The following TRPM3 variants were observed in gnomAD, a reference collection of about 807,000 sequenced individuals.
The protein encoded by TRPM3 is long transient receptor potential channel 3.
TRPM3 carries 77 observed loss-of-function variants against 181.2 expected under a neutral mutation model. That is an observed-to-expected ratio of 0.42 (90% CI 0.35 to 0.51). The LOEUF is 0.51. Among genes scored for constraint, TRPM3 ranks in the 20% least tolerant of loss-of-function variants. TRPM3 has a pLI of 0.01. For missense variants in TRPM3, 1,759 were observed against 2,196.7 expected, an observed-to-expected ratio of 0.80 and a Z score of 3.98; for synonymous variants, 745 against 796.4, an observed-to-expected ratio of 0.94 and a Z score of 1.09.
intron 1 of TRPM3, among the ~76,000 whole-genome samples, chr9:71,256,894 CA>C (rs199525430): frequency 3.6e-4 from 52 of 146,458 alleles, no homozygotes; most frequent in Admixed American, 1.2e-3. Flanking sequence ...TGTACTCTTG[CA>C]AAAAAAAAAT....
chr9:71,258,542 C>T (rs955746915), intron 1 of TRPM3, among the ~76,000 whole-genome samples: 1 of 152,110 alleles, frequency 6.6e-6, no homozygotes, highest in African/African-American at 2.4e-5. Flanking sequence ...ATAATGATTA[C>T]TTCGTATTTA....
chr9:71,283,527 A>C (rs2085026209), intron 1 of TRPM3, among the ~76,000 whole-genome samples: 1 of 152,032 alleles, frequency 6.6e-6, no homozygotes, highest in Non-Finnish European at 1.5e-5. Flanking sequence ...GATGGTCTCA[A>C]TCTCCTGACC....
chr9:70,947,615 G>A (rs1423792109), intron 1 of TRPM3, among the ~76,000 whole-genome samples: 2 of 152,114 alleles, frequency 1.3e-5, no homozygotes, highest in Non-Finnish European at 2.9e-5. Flanking sequence ...TAGCTCTGCA[G>A]GCTGGCTGAG....
In TRPM3 at chr9:70,942,627, G is replaced by A. The variant is rs548554418; in HGVS notation, c.178-78116C>T. 1.1e-4 allele frequency among the ~76,000 whole-genome samples: 17 copies of A among 152,188 alleles called. No individual in the cohort carries two copies. In the South Asian group the frequency reaches 1.9e-3, roughly 17 times the overall value. On this transcript the variant is annotated intron_variant, in intron 1 of 25. Transcript: ENST00000677713. ...TGGTCCTATGTAGCATATGCTTTCCGTGCCTTTTATCTCCACTAGCATGGC... is the reference window on the plus strand; with the variant it reads ...TGGTCCTATGTAGCATATGCTTTCCATGCCTTTTATCTCCACTAGCATGGC...
chr9:71,187,945 AGATAG>A (rs1565318780), intron 1 of TRPM3, among the ~76,000 whole-genome samples: 13 of 72,578 alleles, frequency 1.8e-4, no homozygotes, highest in African/African-American at 5.5e-4. Context: ...ATAGATAGAT[AGATAG>A]ATCATCGCAT....
At chr9:71,255,824 T>C (rs1034323093) in intron 1 of TRPM3, among the ~76,000 whole-genome samples, 2 of 152,228 alleles carry the variant, frequency 1.3e-5, no homozygotes, top group African/African-American at 2.4e-5. Context: ...AAGGTTATTA[T>C]TGAGTAAATT....
chr9:70,894,878 G>A (rs1316016746), intron 1 of TRPM3, among the ~76,000 whole-genome samples: 2 of 152,120 alleles, frequency 1.3e-5, no homozygotes, highest in Non-Finnish European at 2.9e-5. Context: ...AGGACCTATT[G>A]CGGTGCTGAA....
intron 1 of TRPM3, among the ~76,000 whole-genome samples, chr9:71,202,027 C>T (rs940626731): frequency 3.2e-4 from 49 of 151,976 alleles, no homozygotes; most frequent in African/African-American, 1.1e-3. Context: ...TCCTTTCTGT[C>T]TGTTAGTTTT....
At chr9:70,746,285 GA>G (rs2075144275) in intron 8 of TRPM3, among the ~76,000 whole-genome samples, 1 of 152,108 alleles carries the variant, frequency 6.6e-6, no homozygotes, top group East Asian at 1.9e-4. Flanking sequence ...GAGAGAGAGA[GA>G]GAGAGATGAA....
intron 1 of TRPM3, among the ~76,000 whole-genome samples, chr9:71,020,477 G>GAA (rs71367248): frequency 8.6e-4 from 98 of 113,708 alleles, no homozygotes; most frequent in Non-Finnish European, 2.6e-4. Context: ...ACCCCGTCTT[G>GAA]AAAAAAAAAA....
At chr9:70,773,789 G>T (rs2080821084) in intron 7 of TRPM3, among the ~76,000 whole-genome samples, 1 of 152,140 alleles carries the variant, frequency 6.6e-6, no homozygotes, top group Admixed American at 6.6e-5. Flanking sequence ...ACACTGTTGT[G>T]CCTTGCAGAG....
chr9:71,211,232 A>C (rs2131800461), intron 1 of TRPM3, among the ~76,000 whole-genome samples: 1 of 152,344 alleles, frequency 6.6e-6, no homozygotes, highest in Middle Eastern at 3.4e-3. Flanking sequence ...GTGATCTCTA[A>C]GCCTTGACTG....
Position 71,109,445 on chromosome 9 carries a change from C to T in TRPM3, c.177+11733G>A, listed in dbSNP as rs146316731. On this transcript the variant is annotated intron_variant, in intron 1 of 25. Coordinates refer to ENST00000677713, the MANE Select transcript of TRPM3 (RefSeq NM_001366145.2). ...GTTAATTTGCATTGCATCACTTTTG[C>T]TTTATTAAGTTGAAAGGAACGGAAT... 8.2e-4 allele frequency among the ~76,000 whole-genome samples: 125 copies of T among 152,168 alleles called. 1 individual carries two copies. Among genetic ancestry groups the T allele is most frequent in the African/African-American group, 3.0e-3 (125 of 41,516 alleles).
intron 1 of TRPM3, chr9:70,869,200 A>C (rs1459345407): frequency 3.9e-6 from 1 of 258,310 alleles, no homozygotes; most frequent in Non-Finnish European, 6.0e-6. Flanking sequence ...CTGCTTCGGG[A>C]TTAGCCTCAC....
intron 1 of TRPM3, among the ~76,000 whole-genome samples, chr9:70,967,158 C>T (rs1365073107): frequency 6.6e-6 from 1 of 152,084 alleles, no homozygotes; most frequent in African/African-American, 2.4e-5. Flanking sequence ...CATTCTAATG[C>T]TATTCAACTC....
chr9:70,853,806 GA>G (rs1349812100), intron 3 of TRPM3, among the ~76,000 whole-genome samples: 1 of 152,128 alleles, frequency 6.6e-6, no homozygotes, highest in African/African-American at 2.4e-5. Flanking sequence ...TAAAAGATAA[GA>G]TATAAATAAA....
chr9:70,919,437 C>G (rs1409571671), intron 1 of TRPM3, among the ~76,000 whole-genome samples: 1 of 152,194 alleles, frequency 6.6e-6, no homozygotes, highest in East Asian at 1.9e-4. Context: ...TTGTTACCTT[C>G]TTGAAGGTTA....
chr9:71,243,202 C>T (rs953742249), intron 1 of TRPM3, among the ~76,000 whole-genome samples: 4 of 152,146 alleles, frequency 2.6e-5, no homozygotes, highest in Non-Finnish European at 5.9e-5. Context: ...CAACTACGCC[C>T]AGCTAATTTT....
intron 1 of TRPM3, among the ~76,000 whole-genome samples, chr9:70,898,871 G>A (rs1177559464): frequency 1.3e-5 from 2 of 152,156 alleles, no homozygotes; most frequent in Non-Finnish European, 2.9e-5. Flanking sequence ...TAAAACGTGG[G>A]CTGAACTAGT....
Sources: gnomAD v4.1 joint callset for allele counts (sites outside exome capture counted in the v4.1 genomes callset) on GRCh38, gnomAD v4.1.1 for gene constraint, MANE v1.5 for transcripts, NCBI Gene and HGNC (gene_info 2026-07-23, HGNC 2026-07-21) for gene names.